The following RP1 variants were observed in gnomAD, a reference collection of about 807,000 sequenced individuals.
The protein encoded by RP1 is RP1 axonemal microtubule associated.
A neutral mutation model predicts 14.8 loss-of-function variants in RP1; 16 were observed. That is an observed-to-expected ratio of 1.08 (90% CI 0.73 to 1.65). The LOEUF (loss-of-function observed/expected upper bound fraction) is 1.65. Ranked by LOEUF, RP1 falls within the 40% of genes most tolerant of loss-of-function variation. The pLI, the probability that RP1 is intolerant of heterozygous loss-of-function variation, is 0.00. For missense variants in RP1, 2,631 were observed against 2,535.0 expected (o/e 1.04, Z -0.81); for synonymous variants, 876 against 883.6 (o/e 0.99, Z 0.15).
intron 23 of RP1, chr8:54,781,037 G>T (rs1017727831): frequency 1.0e-6 from 1 of 984,476 alleles, no homozygotes; most frequent in Non-Finnish European, 1.2e-6. Flanking sequence ...TACTTTAAAA[G>T]TATTTTTAAC....
At chr8:54,596,590 G>A (rs1805153686) in intron 1 of RP1, among the ~76,000 whole-genome samples, 1 of 152,088 alleles carries the variant, frequency 6.6e-6, no homozygotes, top group African/African-American at 2.4e-5. Context: ...ATTTAACATT[G>A]TTTTTGACAC....
intron 17 of RP1, among the ~76,000 whole-genome samples, chr8:54,726,998 T>C (rs1025358761): frequency 1.3e-5 from 2 of 152,068 alleles, no homozygotes; most frequent in African/African-American, 4.8e-5. Flanking sequence ...TCTGACAAAT[T>C]CCGTGTATCA....
intron 1 of RP1, among the ~76,000 whole-genome samples, chr8:54,602,904 T>A (rs1310802427): frequency 6.6e-6 from 1 of 152,160 alleles, no homozygotes; most frequent in African/African-American, 2.4e-5. Context: ...TTCTTGTAAA[T>A]TTGTTTGAGG....
At chr8:54,593,838 G>C (rs1299229582) in intron 1 of RP1, among the ~76,000 whole-genome samples, 2 of 152,214 alleles carry the variant, frequency 1.3e-5, no homozygotes, top group Non-Finnish European at 2.9e-5. Context: ...TCCGTGGGGT[G>C]CTCACAGGAG....
intron 12 of RP1, among the ~76,000 whole-genome samples, chr8:54,689,854 C>T (rs1209639044): frequency 1.3e-5 from 2 of 151,974 alleles, no homozygotes; most frequent in African/African-American, 4.8e-5. Flanking sequence ...GTTATACAGT[C>T]ACCATATCTC....
chr8:54,836,538 T>C (rs912847308), intron 24 of RP1, among the ~76,000 whole-genome samples: 2 of 152,120 alleles, frequency 1.3e-5, no homozygotes, highest in East Asian at 3.9e-4. Context: ...GATGTGCCCT[T>C]GGTAACTTGG....
intron 19 of RP1, among the ~76,000 whole-genome samples, chr8:54,749,206 C>A (rs1809300292): frequency 6.6e-6 from 1 of 151,944 alleles, no homozygotes; most frequent in South Asian, 2.1e-4. Context: ...TGATGGGCAC[C>A]TGTAGTCCCA....
chr8:54,689,143 GA>G (rs1445043481), intron 12 of RP1, among the ~76,000 whole-genome samples: 1 of 152,134 alleles, frequency 6.6e-6, no homozygotes, highest in East Asian at 1.9e-4. Context: ...AAATGCTTGT[GA>G]TTTTTTTACA....
intron 3 of RP1, among the ~76,000 whole-genome samples, chr8:54,640,639 A>T (rs2129322360): frequency 6.6e-6 from 1 of 152,262 alleles, no homozygotes. Flanking sequence ...TAGATTCAAC[A>T]TGCAGAAGAG....
chr8:54,662,802 C>T (rs966664369), intron 6 of RP1, among the ~76,000 whole-genome samples: 1 of 152,164 alleles, frequency 6.6e-6, no homozygotes, highest in East Asian at 1.9e-4. Flanking sequence ...CCCATTCCTC[C>T]TGCTGCTGTT....
chr8:54,708,625 C>T (rs1247081827), intron 15 of RP1, among the ~76,000 whole-genome samples: 1 of 152,116 alleles, frequency 6.6e-6, no homozygotes, highest in African/African-American at 2.4e-5. Flanking sequence ...TCCCAAAGTG[C>T]TGGGATTACA....
intron 24 of RP1, among the ~76,000 whole-genome samples, chr8:54,792,921 ATAAACTTAAGCCTCTAGCTAGAC>A (rs1387145604): frequency 6.6e-6 from 1 of 151,858 alleles, no homozygotes; most frequent in East Asian, 1.9e-4. Context: ...TTTGGAAAAG[ATAAACTTAAGCCTCTAGCTAGAC>A]TAATCGAGAA....
At chr8:54,611,838 C>T (rs901860997), upstream of RP1, among the ~76,000 whole-genome samples, 10 of 152,110 alleles carry the variant, frequency 6.6e-5, no homozygotes, top group African/African-American at 2.2e-4. Context: ...ATCCTCTCCC[C>T]TCCCCATGGT....
chr8:54,608,827 T>C (rs1947018444), intron 1 of RP1, among the ~76,000 whole-genome samples: 1 of 152,232 alleles, frequency 6.6e-6, no homozygotes, highest in Admixed American at 6.5e-5. Context: ...TTCTAGTTAG[T>C]AAAGTGTATT....
chr8:54,723,719 G>T (rs771740525), intron 16 of RP1, among the ~76,000 whole-genome samples: 1 of 152,092 alleles, frequency 6.6e-6, no homozygotes, highest in African/African-American at 2.4e-5. Flanking sequence ...TTATAATTCC[G>T]TAGAGTAAGA....
intron 24 of RP1, among the ~76,000 whole-genome samples, chr8:54,833,901 C>G (rs538492198): frequency 6.6e-6 from 1 of 151,782 alleles, no homozygotes; most frequent in Non-Finnish European, 1.5e-5. Context: ...TTTATGCCCA[C>G]CAAAATTTTG....
chr8:54,639,796 T>C (rs928671304), intron 3 of RP1, among the ~76,000 whole-genome samples: 3 of 152,194 alleles, frequency 2.0e-5, no homozygotes, highest in Non-Finnish European at 4.4e-5. Flanking sequence ...TATATTCACT[T>C]GATCTTAGCC....
chr8:54,618,428 C>T (rs1433654779), intron 1 of RP1, among the ~76,000 whole-genome samples: 2 of 152,090 alleles, frequency 1.3e-5, no homozygotes, highest in African/African-American at 2.4e-5. Flanking sequence ...TAGATGTGTT[C>T]CCAAAGTGGT....
chr8:54,770,292 A>G (rs1669619744), downstream of RP1: 2 of 394,754 alleles, frequency 5.1e-6, no homozygotes, highest in Non-Finnish European at 8.9e-6. Context: ...ATTGAAAAAT[A>G]CTTAAAATGA....
Sources: gnomAD v4.1 joint callset for allele counts (sites outside exome capture counted in the v4.1 genomes callset) on GRCh38, gnomAD v4.1.1 for gene constraint, MANE v1.5 for transcripts, NCBI Gene and HGNC (gene_info 2026-07-23, HGNC 2026-07-21) for gene names.